SGK3: variants seen among roughly 807,000 people sequenced by gnomAD.
The protein encoded by SGK3 is serine/threonine-protein kinase Sgk3.
Under a neutral mutation model 68.5 loss-of-function variants are expected in SGK3, and 47 were observed. That is an observed-to-expected ratio of 0.69 (90% CI 0.54 to 0.87). SGK3 has a LOEUF of 0.87. Among genes scored for constraint, SGK3 ranks in the 40% least tolerant of loss-of-function variants. The probability of loss-of-function intolerance (pLI) is 0.00; values close to 1 mark genes in which losing one functional copy is unlikely to be tolerated. For missense variants in SGK3, 479 were observed against 575.5 expected (o/e 0.83, Z 1.72); for synonymous variants, 181 against 189.1 (o/e 0.96, Z 0.35).
chr8:66,733,473 G>A lies in SGK3; in HGVS notation c.-122+20640G>A, dbSNP rs140395773. On this transcript the variant is annotated intron_variant, in intron 1 of 16. Coordinates refer to ENST00000521198, the MANE Select transcript of SGK3 (RefSeq NM_001033578.3). Reference sequence around the variant, plus strand: ...TAAGTCTTTTCTAATCCTGTGAAACGATTTAGGAAAGAAATAATGGGTGTA... The same window carrying A: ...TAAGTCTTTTCTAATCCTGTGAAACAATTTAGGAAAGAAATAATGGGTGTA... Among the ~76,000 whole-genome samples, 551 of 152,248 alleles carry A rather than the reference G, an allele frequency of 3.6e-3. 4 individuals are homozygous for A. The highest frequency in any genetic ancestry group is 0.012 in the African/African-American group (515 of 41,542).
At chr8:66,767,282 G>C (rs1431453335) in intron 1 of SGK3, 5 of 670,160 alleles carry the variant, frequency 7.5e-6, no homozygotes, top group Non-Finnish European at 1.2e-5. Flanking sequence ...TATAACTCCT[G>C]TTTTTCCTTT....
At chr8:66,828,096 C>T (rs1453277608) in intron 6 of SGK3, among the ~76,000 whole-genome samples, 1 of 151,694 alleles carries the variant, frequency 6.6e-6, no homozygotes, top group Non-Finnish European at 1.5e-5. Context: ...AGCACTCCAG[C>T]CTGGGCGACA....
intron 13 of SGK3, 113 bp downstream of exon 13, chr8:66,841,223 C>A: frequency 2.3e-6 from 2 of 853,126 alleles, no homozygotes; most frequent in Non-Finnish European, 3.3e-6. Flanking sequence ...ACTGTCATTT[C>A]AGCTTCCAGC....
At chr8:66,787,985 C>G (rs992678844) in intron 1 of SGK3, among the ~76,000 whole-genome samples, 3 of 152,208 alleles carry the variant, frequency 2.0e-5, no homozygotes, top group Admixed American at 6.5e-5. Flanking sequence ...CTTCACCCCT[C>G]TCTTTCAGGC....
intron 1 of SGK3, among the ~76,000 whole-genome samples, chr8:66,731,562 T>G (rs1471663017): frequency 2.0e-5 from 3 of 152,154 alleles, no homozygotes; most frequent in Non-Finnish European, 4.4e-5. Context: ...TGAGACGGAG[T>G]CTTGCTCTGT....
intron 6 of SGK3, among the ~76,000 whole-genome samples, chr8:66,825,120 A>G (rs905183441): frequency 6.6e-6 from 1 of 152,090 alleles, no homozygotes; most frequent in African/African-American, 2.4e-5. Context: ...GCTGCAGACA[A>G]CTCGAAGATA....
At chr8:66,780,611 T>C (rs962197866) in intron 1 of SGK3, among the ~76,000 whole-genome samples, 4 of 152,074 alleles carry the variant, frequency 2.6e-5, no homozygotes, top group African/African-American at 9.7e-5. Flanking sequence ...GGAGAGGGCT[T>C]GGAAGGTGTG....
At chr8:66,755,306 G>A (rs1258884027) in intron 1 of SGK3, among the ~76,000 whole-genome samples, 1 of 151,644 alleles carries the variant, frequency 6.6e-6, no homozygotes, top group African/African-American at 2.4e-5. Flanking sequence ...ACAACAGGCT[G>A]TCAGTCTCTG....
At chr8:66,794,232 T>C (rs1473861266) in intron 2 of SGK3, among the ~76,000 whole-genome samples, 1 of 152,214 alleles carries the variant, frequency 6.6e-6, no homozygotes, top group Non-Finnish European at 1.5e-5. Context: ...TTTAAAATAT[T>C]TAATTCAGTA....
intron 8 of SGK3, among the ~76,000 whole-genome samples, chr8:66,832,225 A>G (rs543475865): frequency 6.6e-6 from 1 of 152,364 alleles, no homozygotes; most frequent in Non-Finnish European, 1.5e-5. Flanking sequence ...ATACCAAGGA[A>G]GGAGAATCAC....
At chr8:66,782,971 T>C (rs1239841653) in intron 1 of SGK3, among the ~76,000 whole-genome samples, 1 of 152,214 alleles carries the variant, frequency 6.6e-6, no homozygotes, top group Non-Finnish European at 1.5e-5. Context: ...GCACGTAGTT[T>C]TTAGCTTCTT....
intron 1 of SGK3, among the ~76,000 whole-genome samples, chr8:66,729,069 A>G (rs1427146766): frequency 1.3e-5 from 2 of 151,586 alleles, no homozygotes; most frequent in Non-Finnish European, 2.9e-5. Flanking sequence ...AATACAAAAA[A>G]TTAGCTGGGC....
intron 16 of SGK3, 150 bp from the exon 17 acceptor site, chr8:66,859,261 A>C: frequency 1.1e-6 from 1 of 880,672 alleles, no homozygotes; most frequent in Non-Finnish European, 1.5e-6. Context: ...TGAACCCAGG[A>C]GGCGGAGGTT....
chr8:66,836,077 G>A lies in SGK3; in HGVS notation c.741+3G>A. Reference sequence around the variant, plus strand: ...TGGATTTTGTTAATGGAGGGGAGGTGAGTTTTATAATGAGTTTTCTAATGT... The same window carrying A: ...TGGATTTTGTTAATGGAGGGGAGGTAAGTTTTATAATGAGTTTTCTAATGT... On this transcript the variant is annotated splice_donor_region_variant and intron_variant, in intron 10 of 16. Coordinates refer to ENST00000521198, the MANE Select transcript of SGK3 (RefSeq NM_001033578.3). 1.2e-6 allele frequency: 2 copies of A among 1,608,910 alleles called. No homozygotes were observed. Among genetic ancestry groups the A allele is most frequent in the Non-Finnish European group, 1.7e-6 (2 of 1,178,182 alleles).
At position 66,772,093 on chromosome 8, in the gene SGK3, A is replaced by AT. The variant is rs748335053; in HGVS notation, c.-121-21504dup. Among the ~76,000 whole-genome samples the AT allele has an allele frequency of 3.2e-3, 316 of 97,504 alleles. 17 individuals carry two copies. Among genetic ancestry groups the AT allele is most frequent in the African/African-American group, 5.7e-3 (117 of 20,492 alleles). 64.0% of individuals were successfully genotyped at this position (97,504 alleles called of 152,430 possible). The stretch of plus-strand genomic sequence containing the variant: ...TCTTTTAGCCTTCTTAAGATACTGA[A>AT]TTTTTTTTTTTTTTTTTTTGAGATG... On this transcript the variant is annotated intron_variant, in intron 1 of 16. Coordinates refer to ENST00000521198, the MANE Select transcript of SGK3 (RefSeq NM_001033578.3).
intron 1 of SGK3, among the ~76,000 whole-genome samples, chr8:66,738,622 G>A (rs1331618903): frequency 6.7e-6 from 1 of 149,606 alleles, no homozygotes; most frequent in African/African-American, 2.5e-5. Context: ...ACTGGCTCAA[G>A]ATCCACTTTC....
Position 66,793,644 on chromosome 8 carries a change from C to T in SGK3, c.-93C>T. On this transcript the variant is annotated 5_prime_UTR_variant, in exon 2 of 17. Transcript: ENST00000521198. ...GCATGATGGAATTTGAACATTACTT[C>T]AAGAGGTTTTGTATTTTGGATTAGT... 1 of 1,144,316 alleles carries T rather than the reference C, an allele frequency of 8.7e-7. No homozygotes were observed. Among genetic ancestry groups the T allele is most frequent in the Non-Finnish European group, 1.2e-6 (1 of 832,542 alleles). The allele number at this position is 1,144,316 out of a possible 1,614,324, so 70.9% of individuals were successfully genotyped here.
chr8:66,782,400 A>G (rs1299839962), intron 1 of SGK3, among the ~76,000 whole-genome samples: 1 of 151,008 alleles, frequency 6.6e-6, no homozygotes, highest in Non-Finnish European at 1.5e-5. Context: ...CTGTGCTGCC[A>G]CACATGTCCA....
At chr8:66,752,886 T>C (rs535533170) in intron 1 of SGK3, among the ~76,000 whole-genome samples, 2 of 152,198 alleles carry the variant, frequency 1.3e-5, no homozygotes, top group Admixed American at 1.3e-4. Flanking sequence ...TCTCACTCTG[T>C]TGTCCAGACT....
Sources: gnomAD v4.1 joint callset for allele counts (sites outside exome capture counted in the v4.1 genomes callset) on GRCh38, gnomAD v4.1.1 for gene constraint, MANE v1.5 for transcripts, NCBI Gene and HGNC (gene_info 2026-07-23, HGNC 2026-07-21) for gene names.